CCNG2: variants seen among roughly 807,000 people sequenced by gnomAD.
The protein encoded by CCNG2 is cyclin-G2.
In CCNG2, 20 loss-of-function variants were observed where a neutral mutation model predicts 36.5. That is an observed-to-expected ratio of 0.55 (90% confidence interval 0.39 to 0.80). The LOEUF (loss-of-function observed/expected upper bound fraction) is 0.80. Ranked by LOEUF, CCNG2 falls within the 30% of genes least tolerant of loss-of-function variation. The pLI is 0.00. For missense variants in CCNG2, 358 were observed against 390.8 expected (o/e 0.92, Z 0.71); for synonymous variants, 155 against 140.1 (o/e 1.11, Z -0.75).
At position 77,169,389 on chromosome 4, in the gene CCNG2, AACTT is replaced by A. The variant is rs1413789450; in HGVS notation, c.*3470_*3473del. ...CTATTTACTACCAGAAATGGTCAAT[AACTT>A]ACTTTGTGTTTAGCAAATCAAATTG... is the stretch of plus-strand genomic sequence containing the variant. On this transcript the variant is annotated 3_prime_UTR_variant, in exon 8 of 8. Coordinates refer to ENST00000316355, the MANE Select transcript of CCNG2 (RefSeq NM_004354.3). 9 of 152,224 alleles carry A rather than the reference AACTT, an allele frequency of 5.9e-5. No homozygotes were observed. Among genetic ancestry groups the A allele is most frequent in the South Asian group, 4.1e-4 (2 of 4,838 alleles). 9.4% of individuals were successfully genotyped at this position (152,224 alleles called of 1,614,324 possible). A position where few individuals can be genotyped will look rare whatever the true frequency, so the allele number is the denominator to read the frequency against.
chr4:77,165,874 A>C lies in CCNG2; in HGVS notation c.985A>C (p.Thr329Pro), dbSNP rs1394851206. 10 of 1,611,790 alleles carry C rather than the reference A, an allele frequency of 6.2e-6. No individual in the cohort carries two copies. Among genetic ancestry groups the C allele is most frequent in the Non-Finnish European group, 7.6e-6 (9 of 1,179,224 alleles). Residue 329 changes from threonine (T) to proline (P), a missense_variant, in exon 8 of 8, where the codon ACC becomes CCC. Thr to Pro is a conservative substitution (Grantham distance 38, BLOSUM62 -1). Coordinates refer to ENST00000316355, the MANE Select transcript of CCNG2 (RefSeq NM_004354.3). Reference protein sequence around the residue: ...SSSPPSDQECTFFFNFKVAQT... With the variant: ...SSSPPSDQECPFFFNFKVAQT... ...CTCTCCTCCCAGTGATCAAGAGTGC[A>C]CCTTCTTTTTCAACTTCAAAGTGGC... is the stretch of plus-strand genomic sequence containing the variant.
At chr4:77,164,129 A>G (rs1323674024) in intron 6 of CCNG2, 145 bp from the exon 7 acceptor site, 5 of 612,442 alleles carry the variant, frequency 8.2e-6, no homozygotes, top group African/African-American at 3.7e-5. Context: ...CTCATTGTCA[A>G]TTAAATCAGA....
Position 77,167,771 on chromosome 4 carries a change from T to C in CCNG2, c.*1847T>C, listed in dbSNP as rs1731663803. The C allele has an allele frequency of 6.8e-6, 1 of 146,076 alleles. No homozygotes were observed. The highest frequency in any genetic ancestry group is 1.6e-5 in the Non-Finnish European group (1 of 63,840). The allele number at this position is 146,076 out of a possible 1,614,324, so 9.0% of individuals were successfully genotyped here. ...CTGAATATGGTTTTCATGTAACACCTCTTCTCTGGAGATAGGGGTATGTTT... is the reference window on the plus strand; with the variant it reads ...CTGAATATGGTTTTCATGTAACACCCCTTCTCTGGAGATAGGGGTATGTTT... On this transcript the variant is annotated 3_prime_UTR_variant, in exon 8 of 8. Transcript: ENST00000316355.
chr4:77,161,097 A>ATTTTTTT, intron 4 of CCNG2, 126 bp downstream of exon 4: 2 of 475,132 alleles, frequency 4.2e-6, no homozygotes, highest in Non-Finnish European at 3.3e-6. Context: ...TTATTGGTAA[A>ATTTTTTT]TCTTTTTTTT....
Position 77,161,661 on chromosome 4 carries a change from G to T in CCNG2, c.619G>T (p.Ala207Ser), listed in dbSNP as rs1731442064. The T allele has an allele frequency of 1.2e-6, 2 of 1,603,560 alleles. No individual in the cohort carries two copies. The highest frequency in any genetic ancestry group is 8.5e-7 in the Non-Finnish European group (1 of 1,175,248). ...TTTTTTCTTACAGCCATCTGTATTA[G>T]CCTTGTGCCTTCTCAATTTGGAAGT... ...IFSKAKPSVL[A>S]LCLLNLEVET... The change falls in exon 6 of 8, where the codon GCC (alanine) becomes TCC (serine). Residue 207 changes from alanine (A) to serine (S), a missense_variant. Coordinates refer to ENST00000316355, the MANE Select transcript of CCNG2 (RefSeq NM_004354.3).
At chr4:77,158,397 A>ACTGGTCCC (rs1341236176) in intron 1 of CCNG2, 136 bp from the exon 2 acceptor site, 1 of 795,784 alleles carries the variant, frequency 1.3e-6, no homozygotes, top group Non-Finnish European at 2.1e-6. Context: ...GGCGGACGTG[A>ACTGGTCCC]CTGGTCCCTT....
rs1179901866 is a variant in CCNG2, at chr4:77,168,831, C to G, written c.*2907C>G. On this transcript the variant is annotated 3_prime_UTR_variant, in exon 8 of 8. Transcript: ENST00000316355. Reference sequence around the variant, plus strand: ...TGAATAAAATTGAGAAGCCCCTGCCCTTTTCAGAGCAGAGGGTGAGGAGAA... The same window carrying G: ...TGAATAAAATTGAGAAGCCCCTGCCGTTTTCAGAGCAGAGGGTGAGGAGAA... The G allele has an allele frequency of 1.3e-5, 2 of 152,220 alleles. 1 individual carries two copies. Among genetic ancestry groups the G allele is most frequent in the African/African-American group, 4.8e-5 (2 of 41,434 alleles). 9.4% of individuals were successfully genotyped at this position (152,220 alleles called of 1,614,324 possible).
rs1186846122 is a variant in CCNG2, at chr4:77,159,486, G to A, written c.258G>A (p.Arg86=). 6.2e-7 allele frequency: 1 copy of A among 1,613,034 alleles called. No homozygotes were observed. The highest frequency in any genetic ancestry group is 8.5e-7 in the Non-Finnish European group (1 of 1,179,714). ...TFVLAVNILD[R]FLALMKVKPK... is the part of the protein sequence containing the mutation. ...TCCTGGCTGTCAATATTTTGGACAG[G>A]TTCTTGGCTCTTATGAAGGTATTTC... The change falls in exon 3 of 8, where the codon AGG becomes AGA. Residue 86 remains arginine, a synonymous_variant. Coordinates refer to ENST00000316355, the MANE Select transcript of CCNG2 (RefSeq NM_004354.3).
intron 6 of CCNG2, among the ~76,000 whole-genome samples, chr4:77,163,521 G>A (rs1192165584): frequency 2.0e-5 from 3 of 152,202 alleles, no homozygotes; most frequent in Admixed American, 2.0e-4. Context: ...ATATGTGCAT[G>A]TGAAGCATTT....
In CCNG2 at chr4:77,157,255, G is replaced by C. The variant is rs1226934272; in HGVS notation, c.-252G>C. The C allele has an allele frequency of 6.6e-6, 1 of 152,362 alleles. No individual in the cohort carries two copies. The highest frequency in any genetic ancestry group is 2.4e-5 in the African/African-American group (1 of 41,446). The allele number at this position is 152,362 out of a possible 1,614,324, so 9.4% of individuals were successfully genotyped here. ...CGGGGAGGTTTCCGCTGAGGCGGCG[G>C]GGGTGCGGCGGTGGGCTGGTCTTCC... On this transcript the variant is annotated 5_prime_UTR_variant, in exon 1 of 8. Transcript: ENST00000316355.
rs1382889039 is a variant in CCNG2 at position 77,169,412 on chromosome 4, C to T, written c.*3488C>T. 1 of 152,176 alleles carries T rather than the reference C, an allele frequency of 6.6e-6. No individual in the cohort carries two copies. The highest frequency in any genetic ancestry group is 1.5e-5 in the Non-Finnish European group (1 of 68,032). The allele number at this position is 152,176 out of a possible 1,614,324, so 9.4% of individuals were successfully genotyped here. A position where few individuals can be genotyped will look rare whatever the true frequency, so the allele number is the denominator to read the frequency against. On this transcript the variant is annotated 3_prime_UTR_variant, in exon 8 of 8. Transcript: ENST00000316355. ...ATAACTTACTTTGTGTTTAGCAAAT[C>T]AAATTGTGTGATAGATAGTTTCCCA...
chr4:77,165,725 C>T, intron 7 of CCNG2, 76 bp from the exon 8 acceptor site: 1 of 1,283,118 alleles, frequency 7.8e-7, no homozygotes, highest in South Asian at 1.7e-5. Context: ...GATATAGCAG[C>T]TTTATTTTGG....
intron 1 of CCNG2, among the ~76,000 whole-genome samples, 200 bp downstream of exon 1, chr4:77,157,706 G>A (rs568829634): frequency 3.3e-5 from 5 of 152,242 alleles, no homozygotes; most frequent in East Asian, 3.9e-4. Flanking sequence ...GGGGTGGAAG[G>A]AGGTTGCGAC....
intron 6 of CCNG2, among the ~76,000 whole-genome samples, chr4:77,163,982 T>A (rs1560423734): frequency 6.6e-6 from 1 of 152,196 alleles, no homozygotes; most frequent in Non-Finnish European, 1.5e-5. Context: ...TAGGCAAAGC[T>A]TTCTGTGTAT....
intron 3 of CCNG2, among the ~76,000 whole-genome samples, chr4:77,160,397 G>A (rs1341553358): frequency 6.7e-6 from 1 of 148,672 alleles, no homozygotes; most frequent in Admixed American, 6.7e-5. Flanking sequence ...GAGGCTTGCT[G>A]TGTTGGCCAG....
At position 77,159,455 on chromosome 4, in the gene CCNG2, C is replaced by G. The variant is rs768830424; in HGVS notation, c.227C>G (p.Thr76Ser). The G allele has an allele frequency of 5.0e-6, 8 of 1,613,874 alleles. No homozygotes were observed. In the Admixed American group the frequency reaches 1.3e-4, roughly 27 times the overall value. The change falls in exon 3 of 8, where the codon ACT (threonine) becomes AGT (serine). Residue 76 changes from threonine to serine, a missense_variant. Coordinates refer to ENST00000316355, the MANE Select transcript of CCNG2 (RefSeq NM_004354.3). ...LANFFGSCTETFVLAVNILDR... is the reference protein window; with the variant it reads ...LANFFGSCTESFVLAVNILDR... ...AACTTTTTTGGATCTTGCACTGAAA[C>G]TTTTGTCCTGGCTGTCAATATTTTG...
rs1731634439 is a variant in CCNG2 at position 77,166,363 on chromosome 4, C to T, written c.*439C>T. 6.6e-6 allele frequency: 1 copy of T among 152,378 alleles called. No individual in the cohort carries two copies. Among genetic ancestry groups the T allele is most frequent in the Non-Finnish European group, 1.5e-5 (1 of 68,144 alleles). 9.4% of individuals were successfully genotyped at this position (152,378 alleles called of 1,614,324 possible). A position where few individuals can be genotyped will look rare whatever the true frequency, so the allele number is the denominator to read the frequency against. On this transcript the variant is annotated 3_prime_UTR_variant, in exon 8 of 8. Coordinates refer to ENST00000316355, the MANE Select transcript of CCNG2 (RefSeq NM_004354.3). ...CCTTAATGGTTTATCATAGATTTCA[C>T]CCTCCCCCCTTCTCAGAAGAGTGAG... is the stretch of plus-strand genomic sequence containing the variant.
intron 4 of CCNG2, 144 bp downstream of exon 4, chr4:77,161,115 T>G: frequency 1.3e-6 from 1 of 745,864 alleles, no homozygotes; most frequent in Non-Finnish European, 2.1e-6. Flanking sequence ...TTTTTTTTTT[T>G]TTTGGAGAAG....
At chr4:77,165,149 T>C (rs1407791805) in intron 7 of CCNG2, 1 of 152,270 alleles carries the variant, frequency 6.6e-6, no homozygotes, top group Non-Finnish European at 1.5e-5. Flanking sequence ...GTTTGTTTTA[T>C]GCCGTAGAGA....
Sources: gnomAD v4.1 joint callset for allele counts (sites outside exome capture counted in the v4.1 genomes callset) on GRCh38, gnomAD v4.1.1 for gene constraint, MANE v1.5 for transcripts, NCBI Gene and HGNC (gene_info 2026-07-23, HGNC 2026-07-21) for gene names.